Variants in AGPS observed in about 807,000 individuals in gnomAD.
AGPS encodes alkylglycerone phosphate synthase.
A neutral mutation model predicts 90.7 loss-of-function variants in AGPS; 26 were observed. The ratio of observed to expected loss-of-function variants is 0.29; its 90% CI spans 0.21 to 0.40. The LOEUF (loss-of-function observed/expected upper bound fraction) is 0.40, where lower values mean the gene tolerates loss of function less well. AGPS is among the 10% of genes least tolerant of loss of function. AGPS has a pLI of 1.00. For missense variants in AGPS, 540 were observed against 816.1 expected (o/e 0.66, Z 4.12); for synonymous variants, 294 against 285.3 (o/e 1.03, Z -0.31).
intron 2 of AGPS, among the ~76,000 whole-genome samples, chr2:177,424,491 G>A (rs1686024185): frequency 6.6e-6 from 1 of 151,580 alleles, no homozygotes. Context: ...ATGTCTGTAT[G>A]CCTCTGAATA....
At chr2:177,430,602 G>A (rs1166656648) in intron 2 of AGPS, among the ~76,000 whole-genome samples, 2 of 151,964 alleles carry the variant, frequency 1.3e-5, no homozygotes, top group African/African-American at 4.8e-5. Context: ...GGGGGTGGGG[G>A]TTCTTTTGGC....
At chr2:177,513,447 C>A (rs6433672) in intron 16 of AGPS, among the ~76,000 whole-genome samples, 129,638 of 152,102 alleles carry the variant, frequency 0.85, 55,389 homozygotes, top group East Asian at 0.98. Flanking sequence ...ATTGGTATTC[C>A]TGTAACCTAG....
chr2:177,483,883 C>A (rs763676333), intron 11 of AGPS, among the ~76,000 whole-genome samples: 2 of 152,020 alleles, frequency 1.3e-5, no homozygotes, highest in Non-Finnish European at 2.9e-5. Context: ...CTAAAATATT[C>A]CATCATTCAA....
chr2:177,499,512 C>A, intron 13 of AGPS, 106 bp from the exon 14 acceptor site: 1 of 691,144 alleles, frequency 1.4e-6, no homozygotes. Flanking sequence ...TTTAAGAAAT[C>A]AGTGTATTTG....
chr2:177,430,331 G>T (rs1397878464), intron 2 of AGPS, among the ~76,000 whole-genome samples: 1 of 152,204 alleles, frequency 6.6e-6, no homozygotes, highest in East Asian at 1.9e-4. Context: ...TGGATCCCTG[G>T]ATTCAGTCCC....
intron 16 of AGPS, among the ~76,000 whole-genome samples, chr2:177,511,056 C>G (rs749927306): frequency 6.6e-6 from 1 of 152,056 alleles, no homozygotes; most frequent in South Asian, 2.1e-4. Flanking sequence ...AGAGTACAGT[C>G]TATAAAAATA....
intron 1 of AGPS, among the ~76,000 whole-genome samples, chr2:177,412,759 A>G (rs1685655649): frequency 6.6e-6 from 1 of 152,108 alleles, no homozygotes; most frequent in Non-Finnish European, 1.5e-5. Context: ...CACGGATTCC[A>G]AGGAATGGAA....
At chr2:177,435,266 G>A (rs556395594) in intron 3 of AGPS, among the ~76,000 whole-genome samples, 161 of 151,548 alleles carry the variant, frequency 1.1e-3, no homozygotes, top group Non-Finnish European at 1.8e-3. Context: ...GTACTTGTTG[G>A]GTTTATTTAA....
At chr2:177,529,611 G>A (rs1017240274) in intron 19 of AGPS, among the ~76,000 whole-genome samples, 19 of 152,346 alleles carry the variant, frequency 1.2e-4, no homozygotes, top group Middle Eastern at 3.4e-3. Context: ...TTCTGGGAAA[G>A]CATATTAGCA....
intron 10 of AGPS, among the ~76,000 whole-genome samples, chr2:177,472,272 T>G (rs1687648084): frequency 6.6e-6 from 1 of 151,986 alleles, no homozygotes; most frequent in Non-Finnish European, 1.5e-5. Context: ...TCTGGTTTTT[T>G]TTTTCAATGC....
At chr2:177,499,339 T>G (rs1688491608) in intron 13 of AGPS, among the ~76,000 whole-genome samples, 1 of 151,892 alleles carries the variant, frequency 6.6e-6, no homozygotes, top group Admixed American at 6.6e-5. Context: ...AACAAGTTAT[T>G]TGTTGTATTT....
chr2:177,434,997 G>GGGTA (rs36151985), intron 3 of AGPS, among the ~76,000 whole-genome samples: 5,691 of 127,976 alleles, frequency 0.044, 202 homozygotes, highest in Non-Finnish European at 0.049. Flanking sequence ...TAAACTGTAG[G>GGGTA]TATATATATA....
chr2:177,489,853 T>TCCCC (rs1688198235), intron 11 of AGPS, among the ~76,000 whole-genome samples: 1 of 152,204 alleles, frequency 6.6e-6, no homozygotes, highest in Non-Finnish European at 1.5e-5. Flanking sequence ...TCATTAAAAT[T>TCCCC]TGTAAAAATA....
At chr2:177,433,507 C>T (rs1265669232) in intron 2 of AGPS, among the ~76,000 whole-genome samples, 1 of 152,082 alleles carries the variant, frequency 6.6e-6, no homozygotes, top group Non-Finnish European at 1.5e-5. Flanking sequence ...GTGCTACTTC[C>T]AGTATCTTGG....
Position 177,539,974 on chromosome 2 carries a change from T to C in AGPS, c.*1779T>C, listed in dbSNP as rs947320560. 6.7e-6 allele frequency: 1 copy of C among 150,240 alleles called. No homozygotes were observed. Among genetic ancestry groups the C allele is most frequent in the African/African-American group, 2.4e-5 (1 of 40,978 alleles). 9.3% of individuals were successfully genotyped at this position (150,240 alleles called of 1,614,324 possible). A position where few individuals can be genotyped will look rare whatever the true frequency, so the allele number is the denominator to read the frequency against. On this transcript the variant is annotated 3_prime_UTR_variant, in exon 20 of 20. Transcript: ENST00000264167. The stretch of plus-strand genomic sequence containing the variant: ...TATAAAATGCATCTGTTCACGAAGG[T>C]AATTTCTTTAATTGGTGATCAAAAT...
intron 1 of AGPS, among the ~76,000 whole-genome samples, chr2:177,416,674 C>T (rs558552513): frequency 3.3e-5 from 5 of 151,880 alleles, no homozygotes; most frequent in Non-Finnish European, 7.4e-5. Context: ...TACAGGCATG[C>T]GCCACTACAC....
intron 8 of AGPS, among the ~76,000 whole-genome samples, chr2:177,452,354 C>T (rs570915022): frequency 3.3e-5 from 5 of 151,994 alleles, no homozygotes; most frequent in African/African-American, 7.3e-5. Flanking sequence ...TTTTAAAGCT[C>T]GGTTATTAGG....
chr2:177,487,934 A>T (rs1285378881), intron 11 of AGPS, among the ~76,000 whole-genome samples: 2 of 152,032 alleles, frequency 1.3e-5, no homozygotes, highest in African/African-American at 4.8e-5. Context: ...GGCAATATTC[A>T]CTCCCTATTA....
rs114743410 is a variant in AGPS, at chr2:177,451,627, A to G, written c.870+6001A>G. 6.7e-3 allele frequency among the ~76,000 whole-genome samples: 1,027 copies of G among 152,192 alleles called. 11 individuals carry two copies. The highest frequency in any genetic ancestry group is 0.024 in the African/African-American group (976 of 41,514). ...AGATGTGTTCAGTCCTTTAACTATT[A>G]AGTATTTGTTAACTATAGGTGTTTT... On this transcript the variant is annotated intron_variant, in intron 8 of 19. Transcript: ENST00000264167.
Sources: gnomAD v4.1 joint callset for allele counts (sites outside exome capture counted in the v4.1 genomes callset) on GRCh38, gnomAD v4.1.1 for gene constraint, MANE v1.5 for transcripts, NCBI Gene and HGNC (gene_info 2026-07-23, HGNC 2026-07-21) for gene names.